TRABD2B: variants seen among roughly 807,000 people sequenced by gnomAD.
TRABD2B encodes metalloprotease TIKI2.
In TRABD2B, 14 loss-of-function variants were observed where a neutral mutation model predicts 40.1. The ratio of observed to expected loss-of-function variants is 0.35; its 90% CI spans 0.23 to 0.55. The LOEUF is 0.55. TRABD2B is among the 20% of genes least tolerant of loss of function. The pLI is 0.90. For synonymous variants in TRABD2B, 263 were observed against 277.0 expected (o/e 0.95, Z 0.50); for missense variants, 541 against 648.6 (o/e 0.83, Z 1.80).
intron 2 of TRABD2B, among the ~76,000 whole-genome samples, chr1:47,862,504 A>G (rs1340030706): frequency 6.6e-6 from 1 of 152,160 alleles, no homozygotes; most frequent in Non-Finnish European, 1.5e-5. Context: ...ATTAACACCA[A>G]AAATATGAAA....
At chr1:47,928,277 C>T (rs578076091) in intron 2 of TRABD2B, among the ~76,000 whole-genome samples, 12 of 152,284 alleles carry the variant, frequency 7.9e-5, no homozygotes, top group Admixed American at 1.3e-4. Flanking sequence ...CAAATCCTGC[C>T]TCTGCCATAA....
At chr1:47,922,807 C>A (rs1322340275) in intron 2 of TRABD2B, among the ~76,000 whole-genome samples, 1 of 152,198 alleles carries the variant, frequency 6.6e-6, no homozygotes, top group Non-Finnish European at 1.5e-5. Context: ...CTCCGACCTC[C>A]CTCTAGGCCA....
chr1:47,789,158 C>T (rs888750576), intron 4 of TRABD2B, among the ~76,000 whole-genome samples: 6 of 152,180 alleles, frequency 3.9e-5, no homozygotes, highest in Non-Finnish European at 8.8e-5. Flanking sequence ...GTGCCCTGTC[C>T]TGGAGTAGTT....
intron 2 of TRABD2B, among the ~76,000 whole-genome samples, chr1:47,864,598 C>A (rs1214573807): frequency 1.3e-5 from 2 of 152,116 alleles, no homozygotes; most frequent in Admixed American, 1.3e-4. Flanking sequence ...TCTGAAGTAG[C>A]CTTAGTTTGC....
chr1:47,807,705 TA>T (rs1464620565), intron 2 of TRABD2B, among the ~76,000 whole-genome samples: 2 of 152,072 alleles, frequency 1.3e-5, no homozygotes, highest in Non-Finnish European at 2.9e-5. Flanking sequence ...TCATATAACA[TA>T]AGATATATTG....
chr1:47,907,034 C>A (rs11211628), intron 2 of TRABD2B, among the ~76,000 whole-genome samples: 1 of 152,092 alleles, frequency 6.6e-6, no homozygotes, highest in Non-Finnish European at 1.5e-5. Flanking sequence ...ACAGGCAGCC[C>A]GTGCGAGCAC....
At chr1:47,909,351 G>A (rs183639577) in intron 2 of TRABD2B, among the ~76,000 whole-genome samples, 35 of 152,124 alleles carry the variant, frequency 2.3e-4, no homozygotes, top group Middle Eastern at 3.4e-3. Flanking sequence ...CACTCCTGGC[G>A]GAAGGAGAAG....
chr1:47,864,780 C>T (rs941038782), intron 2 of TRABD2B, among the ~76,000 whole-genome samples: 2 of 152,102 alleles, frequency 1.3e-5, no homozygotes, highest in Non-Finnish European at 2.9e-5. Flanking sequence ...GGAGGGGGCC[C>T]TACTGCCTGA....
intron 2 of TRABD2B, among the ~76,000 whole-genome samples, chr1:47,926,788 A>G: frequency 6.6e-6 from 1 of 152,184 alleles, no homozygotes; most frequent in East Asian, 1.9e-4. Context: ...GACTGGTGCC[A>G]ACTACTCAGC....
chr1:47,872,798 G>A (rs934518696), intron 2 of TRABD2B, among the ~76,000 whole-genome samples: 2 of 152,168 alleles, frequency 1.3e-5, no homozygotes, highest in Non-Finnish European at 2.9e-5. Context: ...GGAGTGGGGG[G>A]AAGGCTGGGA....
At chr1:47,852,830 A>T (rs189836602) in intron 2 of TRABD2B, among the ~76,000 whole-genome samples, 40 of 152,328 alleles carry the variant, frequency 2.6e-4, no homozygotes, top group Non-Finnish European at 4.4e-4. Context: ...CTTAACAACC[A>T]TAATACCTGC....
intron 2 of TRABD2B, among the ~76,000 whole-genome samples, chr1:47,828,395 C>T (rs1645204789): frequency 5.9e-5 from 9 of 152,144 alleles, no homozygotes; most frequent in Admixed American, 4.6e-4. Context: ...GGGTGAGTGG[C>T]GACCACATCA....
chr1:47,866,949 C>T (rs1369664019), intron 2 of TRABD2B, among the ~76,000 whole-genome samples: 1 of 152,138 alleles, frequency 6.6e-6, no homozygotes, highest in African/African-American at 2.4e-5. Flanking sequence ...ATTCTCAGGC[C>T]CTGTCACAGC....
intron 2 of TRABD2B, among the ~76,000 whole-genome samples, chr1:47,951,292 G>A (rs1238026154): frequency 6.6e-6 from 1 of 152,230 alleles, no homozygotes; most frequent in Non-Finnish European, 1.5e-5. Context: ...CACAATGCGG[G>A]GGATTCTTTT....
chr1:47,782,435 T>C (rs1644537721), intron 4 of TRABD2B, among the ~76,000 whole-genome samples: 1 of 152,192 alleles, frequency 6.6e-6, no homozygotes, highest in Non-Finnish European at 1.5e-5. Flanking sequence ...CCAACCCACC[T>C]GAGGGGGATC....
At chr1:47,982,584 C>A (rs1645855908) in intron 2 of TRABD2B, among the ~76,000 whole-genome samples, 1 of 152,156 alleles carries the variant, frequency 6.6e-6, no homozygotes, top group Non-Finnish European at 1.5e-5. Flanking sequence ...CCTCAGTGTC[C>A]TCAAAATGAG....
intron 2 of TRABD2B, among the ~76,000 whole-genome samples, chr1:47,870,680 C>A (rs1463904410): frequency 2.0e-5 from 3 of 152,186 alleles, no homozygotes; most frequent in African/African-American, 4.8e-5. Flanking sequence ...ACTTCCTAAC[C>A]TCAAATGGCT....
At chr1:47,901,662 G>C (rs1224469303) in intron 2 of TRABD2B, among the ~76,000 whole-genome samples, 1 of 152,214 alleles carries the variant, frequency 6.6e-6, no homozygotes, top group East Asian at 1.9e-4. Flanking sequence ...TACATAAGAA[G>C]TAACACTGAT....
rs945697563 is a variant in TRABD2B at position 47,762,169 on chromosome 1, T to C, written c.*3733A>G. On this transcript the variant is annotated 3_prime_UTR_variant, in exon 7 of 7. Transcript: ENST00000606738. ...GAGTTTCCAGGGGTAGGGAGCAGCA[T>C]GTGTGAAACATCCTGTCTATTCTAG... 1.1e-4 allele frequency: 17 copies of C among 152,192 alleles called. No individual in the cohort carries two copies. The highest frequency in any genetic ancestry group is 4.1e-4 in the African/African-American group (17 of 41,430). 9.4% of individuals were successfully genotyped at this position (152,192 alleles called of 1,614,324 possible).
Sources: allele counts gnomAD v4.1 joint callset (sites outside exome capture counted in the v4.1 genomes callset), GRCh38; gene constraint gnomAD v4.1.1; transcripts MANE v1.5; gene names NCBI Gene and HGNC (gene_info 2026-07-23, HGNC 2026-07-21).